The following FABP1 variants were observed in gnomAD, a reference collection of about 807,000 sequenced individuals.
The protein encoded by FABP1 is fatty acid-binding protein, liver.
Under a neutral mutation model 13.7 loss-of-function variants are expected in FABP1, and 13 were observed. The observed-to-expected ratio is 0.95, with a 90% CI of 0.62 to 1.51. FABP1 has a LOEUF of 1.51. Among genes scored for constraint, FABP1 ranks in the 40% most tolerant of loss-of-function variants. FABP1 has a pLI of 0.00. For synonymous variants in FABP1, 48 were observed against 59.8 expected (o/e 0.80, Z 0.91); for missense variants, 140 against 155.7 (o/e 0.90, Z 0.54).
chr2:88,123,309 C>T lies in FABP1; in HGVS notation c.334-205G>A, dbSNP rs1053260694. 5 of 558,440 alleles carry T rather than the reference C, an allele frequency of 9.0e-6. No individual in the cohort carries two copies. In the Admixed American group the frequency reaches 1.7e-4, roughly 19 times the overall value. 34.6% of individuals were successfully genotyped at this position (558,440 alleles called of 1,614,324 possible). On this transcript the variant is annotated intron_variant, in intron 3 of 3. Coordinates refer to ENST00000295834, the MANE Select transcript of FABP1 (RefSeq NM_001443.3). ...AAAATCCTATGCCAAGTCTTTGTCA[C>T]TTCTCCTCCTCACCTGGAAAGTCCT...
At chr2:88,127,442 T>G (rs1350713601) in intron 1 of FABP1, among the ~76,000 whole-genome samples, 2 of 152,172 alleles carry the variant, frequency 1.3e-5, no homozygotes, top group Non-Finnish European at 2.9e-5. Context: ...CCAGCTTAGT[T>G]TTTTGGCAAG....
chr2:88,124,580 C>T lies in FABP1; in HGVS notation c.247G>A (p.Val83Ile). The T allele has an allele frequency of 1.9e-6, 3 of 1,610,810 alleles. No homozygotes were observed. The highest frequency in any genetic ancestry group is 3.4e-5 in the Admixed American group (2 of 59,532). ...TMTGEKVKTV[V>I]QLEGDNKLVT... ...AGTTTATTGTCACCTTCCAACTGAACCACTGTCTGCAGGGAACAGAGAGGT... is the reference window on the plus strand; with the variant it reads ...AGTTTATTGTCACCTTCCAACTGAATCACTGTCTGCAGGGAACAGAGAGGT... The change falls in exon 3 of 4, where the codon GTT (valine) becomes ATT (isoleucine). Residue 83 changes from valine to isoleucine, a missense_variant. By Grantham distance (29) the Val-to-Ile change is conservative (BLOSUM62 3). Transcript: ENST00000295834.
At chr2:88,127,825 CT>C in intron 1 of FABP1, 125 bp downstream of exon 1, 1 of 974,874 alleles carries the variant, frequency 1.0e-6, no homozygotes, top group African/African-American at 1.6e-5. Context: ...AAAATGCCCC[CT>C]AGTTTGTGTA....
intron 3 of FABP1, 117 bp from the exon 4 acceptor site, chr2:88,123,221 G>T: frequency 1.2e-6 from 1 of 804,184 alleles, no homozygotes; most frequent in South Asian, 1.9e-5. Flanking sequence ...GTTGGCATAT[G>T]AAACAATTCA....
In FABP1 at chr2:88,127,999, A is replaced by C. The variant is rs1675331952; in HGVS notation, c.19T>G (p.Tyr7Asp). ...AAGTTTTCCTGGCTCTGCAGTTGGT[A>C]CTTGCCGGAGAAACTCATGGTGGCA... MSFSGKYQLQSQENFEA... is the reference protein window; with the variant it reads MSFSGKDQLQSQENFEA... The change falls in exon 1 of 4, where the codon TAC becomes GAC. Residue 7 changes from tyrosine to aspartate, a missense_variant. Physicochemically the swap from Tyr to Asp is radical, Grantham distance 160. Coordinates refer to ENST00000295834, the MANE Select transcript of FABP1 (RefSeq NM_001443.3). 1 of 1,614,196 alleles carries C rather than the reference A, an allele frequency of 6.2e-7. No homozygotes were observed. Among genetic ancestry groups the C allele is most frequent in the Non-Finnish European group, 8.5e-7 (1 of 1,180,008 alleles).
chr2:88,127,884 C>A lies in FABP1; in HGVS notation c.67+67G>T, dbSNP rs1675329208. On this transcript the variant is annotated intron_variant, in intron 1 of 3. Coordinates refer to ENST00000295834, the MANE Select transcript of FABP1 (RefSeq NM_001443.3). ...ATCTCAACATTTGGACCCTAAATAG[C>A]CACTGCTGGTAGAGCTAGACCCTCA... 4 of 1,494,590 alleles carry A rather than the reference C, an allele frequency of 2.7e-6. 1 individual carries two copies. The South Asian group carries it at 3.4e-5, about 13-fold the overall frequency. The allele number at this position is 1,494,590 out of a possible 1,614,324, so 92.6% of individuals were successfully genotyped here.
At chr2:88,123,737 A>C (rs1455731869) in intron 3 of FABP1, 1 of 152,286 alleles carries the variant, frequency 6.6e-6, no homozygotes, top group African/African-American at 2.4e-5. Context: ...TTATTAGCTG[A>C]TGACTTGGAC....
chr2:88,125,747 C>G (rs1326387040), intron 2 of FABP1, among the ~76,000 whole-genome samples: 2 of 152,174 alleles, frequency 1.3e-5, no homozygotes, highest in African/African-American at 4.8e-5. Flanking sequence ...GAAGTCTCTC[C>G]CTATCACCAC....
At chr2:88,126,454 C>G in intron 1 of FABP1, 106 bp from the exon 2 acceptor site, 1 of 1,183,054 alleles carries the variant, frequency 8.5e-7, no homozygotes, top group Non-Finnish European at 1.2e-6. Flanking sequence ...GAGAAGGGCA[C>G]TGTGTCTCCC....
At chr2:88,124,343 G>T (rs918678593) in intron 3 of FABP1, 151 bp downstream of exon 3, 15 of 575,296 alleles carry the variant, frequency 2.6e-5, no homozygotes, top group African/African-American at 2.3e-4. Context: ...TGGATCCTCA[G>T]TAAGTGCTGG....
chr2:88,124,324 G>A (rs1675257027), intron 3 of FABP1, 170 bp downstream of exon 3: 1 of 557,220 alleles, frequency 1.8e-6, no homozygotes, highest in Non-Finnish European at 3.1e-6. Context: ...TAAACTGCCT[G>A]GGACATGATG....
At chr2:88,124,620 G>T in intron 2 of FABP1, 34 bp from the exon 3 acceptor site, 2 of 1,496,660 alleles carry the variant, frequency 1.3e-6, no homozygotes, top group South Asian at 1.2e-5. Flanking sequence ...TGTGAGGAAG[G>T]GGTGGTGGGG....
chr2:88,125,485 C>G (rs576676766), intron 2 of FABP1, among the ~76,000 whole-genome samples: 15 of 152,286 alleles, frequency 9.8e-5, no homozygotes, highest in African/African-American at 3.6e-4. Context: ...ACGGGCACCC[C>G]CATTGCCAGG....
intron 2 of FABP1, among the ~76,000 whole-genome samples, chr2:88,125,150 G>T (rs1036490890): frequency 2.0e-5 from 3 of 151,906 alleles, no homozygotes; most frequent in African/African-American, 7.3e-5. Context: ...TTTTCATATT[G>T]TGGCCTCCTT....
rs1204960569 is a variant in FABP1, at chr2:88,123,014, T to C, written c.*40A>G. On this transcript the variant is annotated 3_prime_UTR_variant, in exon 4 of 4. Coordinates refer to ENST00000295834, the MANE Select transcript of FABP1 (RefSeq NM_001443.3). ...TTAAAACAAAGTTCACTTTATTACATTAATTTTACACACTAAAATAATATG... is the reference window on the plus strand; with the variant it reads ...TTAAAACAAAGTTCACTTTATTACACTAATTTTACACACTAAAATAATATG... The C allele has an allele frequency of 6.5e-7, 1 of 1,532,372 alleles. No homozygotes were observed. Among genetic ancestry groups the C allele is most frequent in the Non-Finnish European group, 8.9e-7 (1 of 1,122,990 alleles). The allele number at this position is 1,532,372 out of a possible 1,614,324, so 94.9% of individuals were successfully genotyped here.
At chr2:88,124,352 G>C (rs1280286332) in intron 3 of FABP1, 142 bp downstream of exon 3, 1 of 597,088 alleles carries the variant, frequency 1.7e-6, no homozygotes, top group Admixed American at 3.4e-5. Flanking sequence ...AGTAAGTGCT[G>C]GCAGATACTG....
chr2:88,122,995 C>G lies in FABP1; in HGVS notation c.*59G>C, dbSNP rs1675231285. ...ATTGAGAAGACATTTTTTTTTAAAA[C>G]AAAGTTCACTTTATTACATTAATTT... On this transcript the variant is annotated 3_prime_UTR_variant, in exon 4 of 4. Transcript: ENST00000295834. 4.2e-6 allele frequency: 6 copies of G among 1,422,648 alleles called. No individual in the cohort carries two copies. The highest frequency in any genetic ancestry group is 2.1e-5 in the Admixed American group (1 of 48,000). The allele number at this position is 1,422,648 out of a possible 1,614,324, so 88.1% of individuals were successfully genotyped here. A position where few individuals can be genotyped will look rare whatever the true frequency, so the allele number is the denominator to read the frequency against.
chr2:88,123,695 T>C (rs1311633819), intron 3 of FABP1: 1 of 152,568 alleles, frequency 6.6e-6, no homozygotes, highest in Non-Finnish European at 1.5e-5. Context: ...CAATAGTTGC[T>C]GCTTGATGGG....
At chr2:88,126,089 G>T in intron 2 of FABP1, 87 bp downstream of exon 2, 1 of 1,383,110 alleles carries the variant, frequency 7.2e-7, no homozygotes, top group Non-Finnish European at 1.0e-6. Flanking sequence ...ATCTGTGGGT[G>T]GAATTGTGAG....
Sources: gnomAD v4.1 joint callset for allele counts (sites outside exome capture counted in the v4.1 genomes callset) on GRCh38, gnomAD v4.1.1 for gene constraint, MANE v1.5 for transcripts, NCBI Gene and HGNC (gene_info 2026-07-23, HGNC 2026-07-21) for gene names.